Variants in SLC2A2 observed in about 807,000 individuals in gnomAD.
SLC2A2 encodes the protein solute carrier family 2, facilitated glucose transporter member 2.
A neutral mutation model predicts 54.5 loss-of-function variants in SLC2A2; 36 were observed. That is an observed-to-expected ratio of 0.66 (90% CI 0.51 to 0.87). SLC2A2 has a LOEUF of 0.87. Among genes scored for constraint, SLC2A2 ranks in the 40% least tolerant of loss-of-function variants. The pLI is 0.00. For missense variants in SLC2A2, 543 were observed against 624.3 expected, an observed-to-expected ratio of 0.87 and a Z score of 1.39; for synonymous variants, 223 against 219.1, an observed-to-expected ratio of 1.02 and a Z score of -0.16.
At chr3:171,026,624 C>T in intron 1 of SLC2A2, 32 bp downstream of exon 1, 1 of 1,603,700 alleles carries the variant, frequency 6.2e-7, no homozygotes, top group Non-Finnish European at 8.5e-7. Context: ...CTCCTGAAAA[C>T]CAGACTTGAA....
chr3:171,016,852 CTT>C (rs201071901), intron 2 of SLC2A2, among the ~76,000 whole-genome samples: 24 of 114,316 alleles, frequency 2.1e-4, no homozygotes, highest in Admixed American at 8.6e-4. Flanking sequence ...TTAATTTTTT[CTT>C]TTTTTTTTTT....
chr3:171,010,456 C>T (rs890956125), intron 3 of SLC2A2, among the ~76,000 whole-genome samples: 1 of 152,242 alleles, frequency 6.6e-6, no homozygotes, highest in Non-Finnish European at 1.5e-5. Context: ...AGAGATGATT[C>T]AATCCTGGTG....
intron 8 of SLC2A2, among the ~76,000 whole-genome samples, chr3:171,001,386 G>A (rs1433099279): frequency 1.3e-5 from 2 of 151,974 alleles, no homozygotes; most frequent in Non-Finnish European, 2.9e-5. Context: ...GTTTAAACAG[G>A]CCTTATCTCT....
intron 1 of SLC2A2, 144 bp downstream of exon 1, chr3:171,026,512 T>C (rs966317200): frequency 5.3e-6 from 4 of 761,048 alleles, no homozygotes; most frequent in Admixed American, 1.8e-5. Context: ...TAAGAAACAG[T>C]TCTTCAATTG....
intron 3 of SLC2A2, among the ~76,000 whole-genome samples, chr3:171,013,416 T>A (rs925582338): frequency 2.6e-5 from 4 of 152,272 alleles, no homozygotes; most frequent in Non-Finnish European, 4.4e-5. Context: ...CTGTCTTTTA[T>A]GGTGGAGAAA....
Position 171,009,952 on chromosome 3 carries a change from A to AGG in SLC2A2, c.496+5_496+6insCC. Reference sequence around the variant, plus strand: ...GTGTGTGTGTGTGTGTGTGTGTGTGACTTACCACAATATAGTCCTGATATG... The same window carrying AGG: ...GTGTGTGTGTGTGTGTGTGTGTGTGAGGCTTACCACAATATAGTCCTGATATG... On this transcript the variant is annotated splice_donor_region_variant and intron_variant, in intron 4 of 10. Coordinates refer to ENST00000314251, the MANE Select transcript of SLC2A2 (RefSeq NM_000340.2). 2 of 1,439,166 alleles carry AGG rather than the reference A, an allele frequency of 1.4e-6. No homozygotes were observed. Among genetic ancestry groups the AGG allele is most frequent in the Non-Finnish European group, 1.9e-6 (2 of 1,057,594 alleles). The allele number at this position is 1,439,166 out of a possible 1,614,324, so 89.1% of individuals were successfully genotyped here.
At chr3:171,001,399 A>G (rs1265438215) in intron 8 of SLC2A2, among the ~76,000 whole-genome samples, 1 of 152,042 alleles carries the variant, frequency 6.6e-6, no homozygotes, top group Non-Finnish European at 1.5e-5. Flanking sequence ...TTATCTCTAA[A>G]GGTATGTCTA....
chr3:170,999,253 T>C (rs1715236198), intron 8 of SLC2A2, 87 bp from the exon 9 acceptor site: 5 of 879,104 alleles, frequency 5.7e-6, no homozygotes, highest in South Asian at 2.7e-5. Context: ...GCCAAAGAGG[T>C]CATTTTAATT....
At chr3:171,007,077 A>G in intron 5 of SLC2A2, 71 bp downstream of exon 5, 1 of 846,806 alleles carries the variant, frequency 1.2e-6, no homozygotes, top group South Asian at 1.4e-5. Flanking sequence ...TAGGGGATGC[A>G]ATAGTAGTAG....
At position 170,999,113 on chromosome 3, in the gene SLC2A2, A is replaced by G. The variant is rs113255143; in HGVS notation, c.1122T>C (p.Ser374=). The change falls in exon 9 of 11, where the codon AGT becomes AGC. Residue 374 remains serine, a synonymous_variant. Transcript: ENST00000314251. ...GRRSLFLIGM[S]GMFVCAIFMS... ...TGAAGATGGCACAAACAAACATCCC[A>G]CTCATTCCAATTAGAAAGAGAGAAC... The G allele has an allele frequency of 2.5e-6, 4 of 1,612,930 alleles. No individual in the cohort carries two copies. Among genetic ancestry groups the G allele is most frequent in the Non-Finnish European group, 3.4e-6 (4 of 1,179,236 alleles).
rs935009475 is a variant in SLC2A2, at chr3:171,005,444, A to T, written c.804T>A (p.Asp268Glu). The T allele has an allele frequency of 3.1e-6, 5 of 1,611,950 alleles. No homozygotes were observed. The highest frequency in any genetic ancestry group is 4.2e-6 in the Non-Finnish European group (5 of 1,178,722). Reference sequence around the variant, plus strand: ...TCATTTCATTAATATCTTTGGTGACATCATCATATCCTCTGAGTCTTTTCA... The same window carrying T: ...TCATTTCATTAATATCTTTGGTGACTTCATCATATCCTCTGAGTCTTTTCA... ...QSLKRLRGYD[D>E]VTKDINEMRK... is the part of the protein sequence containing the mutation. The change falls in exon 7 of 11, where the codon GAT (aspartate) becomes GAA (glutamate). Residue 268 changes from aspartate to glutamate, a missense_variant. Asp to Glu is a conservative substitution (Grantham distance 45, BLOSUM62 2). Coordinates refer to ENST00000314251, the MANE Select transcript of SLC2A2 (RefSeq NM_000340.2).
intron 3 of SLC2A2, among the ~76,000 whole-genome samples, chr3:171,013,107 G>A (rs2108254472): frequency 6.6e-6 from 1 of 152,080 alleles, no homozygotes; most frequent in African/African-American, 2.4e-5. Context: ...AATGATTTGT[G>A]CATATTTTAG....
intron 1 of SLC2A2, among the ~76,000 whole-genome samples, chr3:171,026,300 T>C (rs1446749766): frequency 6.6e-5 from 10 of 151,712 alleles, no homozygotes; most frequent in Non-Finnish European, 1.0e-4. Flanking sequence ...CTCTTTTGTC[T>C]CTCCTGCATT....
At chr3:171,013,526 GAAGA>G (rs1576837035) in intron 3 of SLC2A2, among the ~76,000 whole-genome samples, 1 of 152,130 alleles carries the variant, frequency 6.6e-6, no homozygotes, top group African/African-American at 2.4e-5. Context: ...AGTATAAGAG[GAAGA>G]GTTATCAGAA....
intron 8 of SLC2A2, among the ~76,000 whole-genome samples, chr3:171,000,985 A>G (rs1470843061): frequency 6.6e-6 from 1 of 152,044 alleles, no homozygotes; most frequent in Non-Finnish European, 1.5e-5. Flanking sequence ...AGGCTTAATT[A>G]ATGATTTGGA....
chr3:171,025,849 G>GT lies in SLC2A2; in HGVS notation c.15+806dup, dbSNP rs199531565. Among the ~76,000 whole-genome samples the GT allele has an allele frequency of 4.0e-3, 608 of 151,800 alleles. 3 individuals are homozygous for GT. Among genetic ancestry groups the GT allele is most frequent in the African/African-American group, 0.013 (543 of 41,398 alleles). ...GACACTATATCCTTTATATTTTTAA[G>GT]TTTTTTTTTAAAGTATCATATCTAG... On this transcript the variant is annotated intron_variant, in intron 1 of 10. Transcript: ENST00000314251.
At chr3:171,019,989 T>C (rs1179886807) in intron 1 of SLC2A2, among the ~76,000 whole-genome samples, 2 of 152,196 alleles carry the variant, frequency 1.3e-5, no homozygotes, top group African/African-American at 4.8e-5. Flanking sequence ...TACATTTACA[T>C]AAATTTTTAA....
In SLC2A2 at chr3:171,002,585, A is replaced by T; in HGVS notation, c.1059T>A (p.Thr353=). 1.3e-6 allele frequency: 2 copies of T among 1,599,516 alleles called. No individual in the cohort carries two copies. Among genetic ancestry groups the T allele is most frequent in the Non-Finnish European group, 1.7e-6 (2 of 1,167,670 alleles). ...TAGGGCATTGACTTACAGAGACAGCAGTGAAAACCATGTTTACAGCGCCAA... is the reference window on the plus strand; with the variant it reads ...TAGGGCATTGACTTACAGAGACAGCTGTGAAAACCATGTTTACAGCGCCAA... The part of the protein sequence containing the change: ...IGVGAVNMVF[T]AVSVFLVEKA... The change falls in exon 8 of 11, where the codon ACT becomes ACA. Residue 353 remains threonine (T), a synonymous_variant. Coordinates refer to ENST00000314251, the MANE Select transcript of SLC2A2 (RefSeq NM_000340.2).
intron 4 of SLC2A2, among the ~76,000 whole-genome samples, chr3:171,008,693 T>C (rs2108248403): frequency 6.6e-6 from 1 of 152,156 alleles, no homozygotes; most frequent in Admixed American, 6.6e-5. Flanking sequence ...AGAATCATAA[T>C]TGGGACTTCG....
Sources: gnomAD v4.1 joint callset for allele counts (sites outside exome capture counted in the v4.1 genomes callset) on GRCh38, gnomAD v4.1.1 for gene constraint, MANE v1.5 for transcripts, NCBI Gene and HGNC (gene_info 2026-07-23, HGNC 2026-07-21) for gene names.